The following NFIX variants were observed in gnomAD, a reference collection of about 807,000 sequenced individuals.
NFIX encodes the protein nuclear factor 1 X-type.
Under a neutral mutation model 53.3 loss-of-function variants are expected in NFIX, and 2 were observed. The ratio of observed to expected loss-of-function variants is 0.04; its 90% CI spans 0.02 to 0.12. The LOEUF (loss-of-function observed/expected upper bound fraction) is 0.12, where lower values mean the gene tolerates loss of function less well. Among genes scored for constraint, NFIX ranks in the 10% least tolerant of loss-of-function variants. The pLI is 1.00. For synonymous variants in NFIX, 244 were observed against 289.0 expected (o/e 0.84, Z 1.58); for missense variants, 310 against 674.5 (o/e 0.46, Z 5.99).
intron 1 of NFIX, among the ~76,000 whole-genome samples, chr19:13,016,876 G>A (rs1035591488): frequency 6.6e-6 from 1 of 151,872 alleles, no homozygotes; most frequent in Non-Finnish European, 1.5e-5. Flanking sequence ...TGACAGCTTC[G>A]CCCTCCATGG....
At chr19:13,074,070 C>T (rs1253618771) in intron 5 of NFIX, 44 bp downstream of exon 5, 1 of 1,610,126 alleles carries the variant, frequency 6.2e-7, no homozygotes, top group South Asian at 1.1e-5. Flanking sequence ...TCCACTCCCC[C>T]CAGGGCCAGG....
rs929776015 is a variant in NFIX, at chr19:13,093,762, C to T, written c.1495-873C>T. Among the ~76,000 whole-genome samples the T allele has an allele frequency of 1.3e-5, 2 of 152,152 alleles. No individual in the cohort carries two copies. Among genetic ancestry groups the T allele is most frequent in the African/African-American group, 4.8e-5 (2 of 41,410 alleles). Reference sequence around the variant, plus strand: ...TTCAGGGACCCTCATTTTGCCCCAACGGTACTACCAGGTGCACCCAGGCCC... The same window carrying T: ...TTCAGGGACCCTCATTTTGCCCCAATGGTACTACCAGGTGCACCCAGGCCC... On this transcript the variant is annotated intron_variant, in intron 10 of 10. Coordinates refer to ENST00000592199, the MANE Select transcript of NFIX (RefSeq NM_001365902.3). This position sits in a 1 kb window ranked among gnomAD's most constrained non-coding sequence, Gnocchi z 4.7.
In NFIX at chr19:13,045,499, G is replaced by T. The variant is rs138466152; in HGVS notation, c.559+19947G>T. Among the ~76,000 whole-genome samples, 1 of 152,240 alleles carries T rather than the reference G, an allele frequency of 6.6e-6. No individual in the cohort carries two copies. The highest frequency in any genetic ancestry group is 2.4e-5 in the African/African-American group (1 of 41,522). On this transcript the variant is annotated intron_variant, in intron 2 of 10. Transcript: ENST00000592199. The surrounding 1 kb of genome is among the most constrained non-coding windows in gnomAD (Gnocchi z 4.4). ...ACAGTATCTAGCCCCAGCATGAGGG[G>T]TAATGAGGTTGAGAAACCCTGACTG...
At chr19:13,004,093 C>G (rs575869142) in intron 1 of NFIX, among the ~76,000 whole-genome samples, 1 of 152,082 alleles carries the variant, frequency 6.6e-6, no homozygotes, top group South Asian at 2.1e-4. Flanking sequence ...GGTTGTCACA[C>G]TTGTGGAGGG....
chr19:13,024,016 C>A, intron 1 of NFIX: 4 of 1,398,030 alleles, frequency 2.9e-6, no homozygotes, highest in Non-Finnish European at 3.8e-6. Flanking sequence ...TGGGCTTTGC[C>A]GGGTGCTTCA....
At position 13,025,570 on chromosome 19, in the gene NFIX, A is replaced by G. The variant is rs762871561; in HGVS notation, c.559+18A>G. On this transcript the variant is annotated intron_variant, in intron 2 of 10. Transcript: ENST00000592199. The surrounding 1 kb of genome is among the most constrained non-coding windows in gnomAD (Gnocchi z 7.5). ...CACTCCGGGTAGGTCGTTCTCAACC[A>G]TTTTTCCCTCTCATTTTATTTTCCT... The G allele has an allele frequency of 4.4e-6, 7 of 1,593,610 alleles. No individual in the cohort carries two copies. Among genetic ancestry groups the G allele is most frequent in the Admixed American group, 3.4e-5 (2 of 59,276 alleles).
rs941481358 is a variant in NFIX at position 13,040,347 on chromosome 19, C to G, written c.559+14795C>G. ...TTTGGCCACAAAGCACACAGCCCCCCAGAGGCCATGTCCTCTCCAGACTTG... is the reference window on the plus strand; with the variant it reads ...TTTGGCCACAAAGCACACAGCCCCCGAGAGGCCATGTCCTCTCCAGACTTG... On this transcript the variant is annotated intron_variant, in intron 2 of 10. Transcript: ENST00000592199. The surrounding 1 kb of genome is among the most constrained non-coding windows in gnomAD (Gnocchi z 4.2). Among the ~76,000 whole-genome samples, 2 of 152,200 alleles carry G rather than the reference C, an allele frequency of 1.3e-5. No individual in the cohort carries two copies. Among genetic ancestry groups the G allele is most frequent in the Admixed American group, 6.5e-5 (1 of 15,284 alleles).
At chr19:13,054,839 G>C (rs993981868) in intron 2 of NFIX, among the ~76,000 whole-genome samples, 2 of 152,108 alleles carry the variant, frequency 1.3e-5, no homozygotes, top group African/African-American at 4.8e-5. Flanking sequence ...AATGTCAGCA[G>C]ATGCACACCC....
Position 13,025,551 on chromosome 19 carries a change from G to A in NFIX, c.558G>A (p.Pro186=), listed in dbSNP as rs1180613035. 6.2e-7 allele frequency: 1 copy of A among 1,603,302 alleles called. No individual in the cohort carries two copies. The highest frequency in any genetic ancestry group is 1.7e-5 in the Admixed American group (1 of 59,880). The change falls in exon 2 of 11, where the codon CCG becomes CCA. Residue 186 remains proline (P), a splice_region_variant and synonymous_variant. Transcript: ENST00000592199. The surrounding 1 kb of genome is among the most constrained non-coding windows in gnomAD (Gnocchi z 7.5). ...ATCTGGCTTACTTTGTCCACACTCC[G>A]GGTAGGTCGTTCTCAACCATTTTTC... ...DLYLAYFVHT[P]ESGQSDSSNQ... is the part of the protein sequence containing the mutation.
intron 2 of NFIX, among the ~76,000 whole-genome samples, chr19:13,042,336 A>G (rs562427253): frequency 6.6e-6 from 1 of 151,334 alleles, no homozygotes; most frequent in Non-Finnish European, 1.5e-5. Context: ...ACTGAAAAAT[A>G]AAAACATGCT....
In NFIX at chr19:13,002,622, C is replaced by T. The variant is rs949816138; in HGVS notation, c.27+6758C>T. Among the ~76,000 whole-genome samples the T allele has an allele frequency of 1.8e-4, 27 of 152,196 alleles. No individual in the cohort carries two copies. The highest frequency in any genetic ancestry group is 2.9e-4 in the Non-Finnish European group (20 of 68,022). ...CTGGGGTGTCTGGCTTCTGGTGGGG[C>T]TGGCAGGCCTCTGTGAGGCGCAGCT... On this transcript the variant is annotated intron_variant, in intron 1 of 10. Transcript: ENST00000592199. The surrounding 1 kb of genome is among the most constrained non-coding windows in gnomAD (Gnocchi z 6.1).
In NFIX at chr19:13,073,966, A is replaced by G; in HGVS notation, c.758A>G (p.Tyr253Cys). 2.5e-6 allele frequency: 4 copies of G among 1,613,904 alleles called. No individual in the cohort carries two copies. The highest frequency in any genetic ancestry group is 3.4e-6 in the Non-Finnish European group (4 of 1,179,830). Reference protein sequence around the residue: ...FSLADLESPSYYNINQVTLGR... With the variant: ...FSLADLESPSCYNINQVTLGR... The stretch of plus-strand genomic sequence containing the variant: ...CTGGCGGACCTGGAGAGTCCCAGCT[A>G]CTACAACATCAACCAGGTGACCCTG... The change falls in exon 5 of 11, where the codon TAC (tyrosine) becomes TGC (cysteine). Residue 253 changes from tyrosine to cysteine, a missense_variant. Coordinates refer to ENST00000592199, the MANE Select transcript of NFIX (RefSeq NM_001365902.3). The surrounding 1 kb of genome is among the most constrained non-coding windows in gnomAD (Gnocchi z 4.5).
rs1289983484 is a variant in NFIX, at chr19:13,009,528, C to T, written c.27+13664C>T. Reference sequence around the variant, plus strand: ...TCCAGCTTTTCATCCCCCTTCTGGCCACCTGAGGCTCCTCCTTCTGGCCTT... The same window carrying T: ...TCCAGCTTTTCATCCCCCTTCTGGCTACCTGAGGCTCCTCCTTCTGGCCTT... On this transcript the variant is annotated intron_variant, in intron 1 of 10. Coordinates refer to ENST00000592199, the MANE Select transcript of NFIX (RefSeq NM_001365902.3). This position sits in a 1 kb window ranked among gnomAD's most constrained non-coding sequence, Gnocchi z 4.7. Among the ~76,000 whole-genome samples the T allele has an allele frequency of 6.6e-6, 1 of 152,228 alleles. No homozygotes were observed. The highest frequency in any genetic ancestry group is 1.5e-5 in the Non-Finnish European group (1 of 68,040).
chr19:13,041,390 A>G (rs1317096389), intron 2 of NFIX, among the ~76,000 whole-genome samples: 1 of 152,258 alleles, frequency 6.6e-6, no homozygotes, highest in Non-Finnish European at 1.5e-5. Context: ...TTATACAATT[A>G]TGCCACTGAA....
intron 2 of NFIX, among the ~76,000 whole-genome samples, chr19:13,032,662 T>C (rs1425631850): frequency 3.9e-5 from 6 of 152,140 alleles, no homozygotes; most frequent in Non-Finnish European, 8.8e-5. Flanking sequence ...GAGAGGTTTA[T>C]AGAGCAGCTA....
rs2012017743 is a variant in NFIX at position 13,006,425 on chromosome 19, C to T, written c.27+10561C>T. 6.6e-6 allele frequency among the ~76,000 whole-genome samples: 1 copy of T among 152,200 alleles called. No individual in the cohort carries two copies. The highest frequency in any genetic ancestry group is 6.5e-5 in the Admixed American group (1 of 15,280). On this transcript the variant is annotated intron_variant, in intron 1 of 10. Transcript: ENST00000592199. This position sits in a 1 kb window ranked among gnomAD's most constrained non-coding sequence, Gnocchi z 5.6. ...CTATTATCCATATTTGTGGATATGC[C>T]ATACGGTGCCCGCCCAAAATCTGGG... is the stretch of plus-strand genomic sequence containing the variant.
chr19:13,068,129 A>AAAACAC lies in NFIX; in HGVS notation c.560-4915_560-4914insCACAAA, dbSNP rs2016545375. Reference sequence around the variant, plus strand: ...CAAAAAAAAAACAAAAACAAAAACAAAAAACAAAAACATGCTGTCAGTTGG... The same window carrying AAAACAC: ...CAAAAAAAAAACAAAAACAAAAACAAAAACACAAAACAAAAACATGCTGTCAGTTGG... On this transcript the variant is annotated intron_variant, in intron 2 of 10. Transcript: ENST00000592199. The surrounding 1 kb of genome is among the most constrained non-coding windows in gnomAD (Gnocchi z 4.2). Among the ~76,000 whole-genome samples, 2 of 151,700 alleles carry AAAACAC rather than the reference A, an allele frequency of 1.3e-5. No individual in the cohort carries two copies. The highest frequency in any genetic ancestry group is 4.8e-5 in the African/African-American group (2 of 41,300).
At chr19:13,076,521 G>C (rs1355128233) in intron 6 of NFIX, among the ~76,000 whole-genome samples, 1 of 152,186 alleles carries the variant, frequency 6.6e-6, no homozygotes, top group African/African-American at 2.4e-5. Context: ...GTCCCCCGCT[G>C]ACGTGCCAGT....
At chr19:13,054,913 G>A (rs1194728214) in intron 2 of NFIX, among the ~76,000 whole-genome samples, 2 of 152,146 alleles carry the variant, frequency 1.3e-5, no homozygotes, top group East Asian at 1.9e-4. Context: ...CTAGATCACT[G>A]CTTTGGGGGG....
Sources: allele counts gnomAD v4.1 joint callset (sites outside exome capture counted in the v4.1 genomes callset), GRCh38; gene constraint gnomAD v4.1.1; non-coding constraint Gnocchi (gnomAD v3.1); transcripts MANE v1.5; gene names NCBI Gene and HGNC (gene_info 2026-07-23, HGNC 2026-07-21).